Variants in XIRP2 observed in about 807,000 individuals in gnomAD.
XIRP2 encodes xin actin binding repeat containing 2.
In XIRP2, 236 loss-of-function variants were observed where a neutral mutation model predicts 277.0. That is an observed-to-expected ratio of 0.85 (90% CI 0.77 to 0.95). The LOEUF is 0.95. Among genes scored for constraint, XIRP2 ranks in the 40% least tolerant of loss-of-function variants. The pLI is 0.00. For synonymous variants in XIRP2, 1,490 were observed against 1,416.5 expected (o/e 1.05, Z -1.17); for missense variants, 4,640 against 4,157.5 (o/e 1.12, Z -3.19).
chr2:166,970,908 G>T (rs933628941), intron 2 of XIRP2, among the ~76,000 whole-genome samples: 1 of 151,850 alleles, frequency 6.6e-6, no homozygotes, highest in East Asian at 1.9e-4. Context: ...AATGTACAAA[G>T]GTAGAAATAG....
At chr2:166,897,064 C>T (rs1684264602) in intron 1 of XIRP2, among the ~76,000 whole-genome samples, 1 of 152,152 alleles carries the variant, frequency 6.6e-6, no homozygotes, top group Non-Finnish European at 1.5e-5. Flanking sequence ...CTGTGATCTT[C>T]TCACAATGAT....
Position 167,241,829 on chromosome 2 carries a change from A to G in XIRP2, c.1095A>G (p.Leu365=), listed in dbSNP as rs1359736424. 6.2e-7 allele frequency: 1 copy of G among 1,613,628 alleles called. No homozygotes were observed. Among genetic ancestry groups the G allele is most frequent in the Non-Finnish European group, 8.5e-7 (1 of 1,179,770 alleles). Residue 365 remains leucine (L), a synonymous_variant, in exon 8 of 11, where the codon TTA becomes TTG. Coordinates refer to ENST00000409195, the MANE Select transcript of XIRP2 (RefSeq NM_152381.6). ...TTCCAAAGGTTTCGACTAAGTTGTT[A>G]AAAGAGCAGTTTGAAAAGTCTGCCC... ...EEIPKVSTKL[L]KEQFEKSAQE...
rs778157671 is a variant in XIRP2, at chr2:167,246,015, A to G, written c.4623A>G (p.Arg1541=). The G allele has an allele frequency of 1.2e-6, 2 of 1,613,106 alleles. No homozygotes were observed. Among genetic ancestry groups the G allele is most frequent in the East Asian group, 4.5e-5 (2 of 44,850 alleles). The stretch of plus-strand genomic sequence containing the variant: ...CACTTCATGAATTTAATGAAACTAG[A>G]GTAGAAAAGATAGAAATTATTGGCA... The part of the protein sequence containing the change: ...TTPLHEFNET[R]VEKIEIIGKS... Residue 1541 remains arginine (R), a synonymous_variant, in exon 9 of 11, where the codon AGA becomes AGG. Coordinates refer to ENST00000409195, the MANE Select transcript of XIRP2 (RefSeq NM_152381.6).
At chr2:166,979,418 G>A (rs915528179) in intron 2 of XIRP2, among the ~76,000 whole-genome samples, 4 of 98,470 alleles carry the variant, frequency 4.1e-5, no homozygotes, top group African/African-American at 1.6e-4. Flanking sequence ...AAGTATAATT[G>A]TTACTGGCCT....
At chr2:166,974,259 A>C (rs1473934427) in intron 2 of XIRP2, among the ~76,000 whole-genome samples, 2 of 152,152 alleles carry the variant, frequency 1.3e-5, no homozygotes, top group Non-Finnish European at 2.9e-5. Flanking sequence ...GCAGATCCAC[A>C]CTGCAAAAAA....
At chr2:167,114,830 TACTC>T (rs1482412267) in intron 2 of XIRP2, among the ~76,000 whole-genome samples, 11 of 152,220 alleles carry the variant, frequency 7.2e-5, no homozygotes, top group African/African-American at 2.7e-4. Flanking sequence ...CACATTTTCT[TACTC>T]AGTCTATCAT....
chr2:166,891,018 T>C lies in XIRP2; in HGVS notation c.-19+2461T>C, dbSNP rs145553025. 1.5e-3 allele frequency among the ~76,000 whole-genome samples: 228 copies of C among 152,284 alleles called. 8 individuals carry two copies. The East Asian group carries it at 0.039, about 26-fold the overall frequency. On this transcript the variant is annotated intron_variant, in intron 1 of 10. Coordinates refer to ENST00000409195, the MANE Select transcript of XIRP2 (RefSeq NM_152381.6). Reference sequence around the variant, plus strand: ...ATAATGCAGCTCCCAGAGCTGGCTATGAGAGATTTGGTGTCTTGTAGCTGC... The same window carrying C: ...ATAATGCAGCTCCCAGAGCTGGCTACGAGAGATTTGGTGTCTTGTAGCTGC...
rs973551910 is a variant in XIRP2 at position 166,921,263 on chromosome 2, T to C, written c.408+17373T>C. 2.0e-5 allele frequency among the ~76,000 whole-genome samples: 3 copies of C among 152,248 alleles called. No homozygotes were observed. In the South Asian group the frequency reaches 6.2e-4, roughly 32 times the overall value. The stretch of plus-strand genomic sequence containing the variant: ...ATTGCTGAATTGTATGGTAAGAGTA[T>C]GTTTAGTTTGTAAGAAATTGCCAAA... On this transcript the variant is annotated intron_variant, in intron 2 of 10. Coordinates refer to ENST00000409195, the MANE Select transcript of XIRP2 (RefSeq NM_152381.6).
intron 1 of XIRP2, among the ~76,000 whole-genome samples, chr2:166,894,292 T>C (rs953025386): frequency 2.0e-5 from 3 of 152,118 alleles, no homozygotes; most frequent in Non-Finnish European, 4.4e-5. Flanking sequence ...AAATCCTCTC[T>C]CTGAAGACCT....
intron 2 of XIRP2, among the ~76,000 whole-genome samples, chr2:166,909,851 C>A (rs1157282947): frequency 6.6e-6 from 1 of 152,200 alleles, no homozygotes; most frequent in Admixed American, 6.5e-5. Context: ...AAGGCCTTTT[C>A]TGCATCTGTT....
rs1246637205 is a variant in XIRP2 at position 167,010,388 on chromosome 2, G to C, written c.408+106498G>C. ...AAAGATCAGATAGTTGTAGATATGT[G>C]GCGTTATTTCTGAGGGCTCTGTTCT... On this transcript the variant is annotated intron_variant, in intron 2 of 10. Transcript: ENST00000409195. Among the ~76,000 whole-genome samples, 19 of 151,652 alleles carry C rather than the reference G, an allele frequency of 1.3e-4. No homozygotes were observed. In the East Asian group the frequency reaches 3.3e-3, roughly 26 times the overall value.
chr2:167,098,868 G>T (rs1459108238), intron 2 of XIRP2, among the ~76,000 whole-genome samples: 1 of 152,204 alleles, frequency 6.6e-6, no homozygotes, highest in African/African-American at 2.4e-5. Flanking sequence ...GGTATCACCA[G>T]TGGAGGCTGC....
In XIRP2 at chr2:167,250,668, TCGTAG is replaced by T; in HGVS notation, c.9277_9281del (p.Arg3093SerfsTer9). 6.2e-7 allele frequency: 1 copy of T among 1,613,592 alleles called. No homozygotes were observed. The highest frequency in any genetic ancestry group is 1.7e-4 in the Middle Eastern group (1 of 6,054). On this transcript the variant is annotated frameshift_variant, in exon 9 of 11. Coordinates refer to ENST00000409195, the MANE Select transcript of XIRP2 (RefSeq NM_152381.6). LOFTEE classifies it high-confidence loss of function. ...TAGCAGCTCATCATGAAGCAACTGTTCGTAGTCACGTGAAAACCCATCAGGAAATT... is the reference window on the plus strand; with the variant it reads ...TAGCAGCTCATCATGAAGCAACTGTTTCACGTGAAAACCCATCAGGAAATT...
At chr2:167,106,744 T>G (rs576923300) in intron 2 of XIRP2, among the ~76,000 whole-genome samples, 1 of 151,734 alleles carries the variant, frequency 6.6e-6, no homozygotes, top group Non-Finnish European at 1.5e-5. Flanking sequence ...TATAGGAATT[T>G]GTCGTATCTA....
intron 2 of XIRP2, among the ~76,000 whole-genome samples, chr2:167,023,000 T>C (rs1479118903): frequency 2.0e-5 from 3 of 152,154 alleles, no homozygotes; most frequent in Non-Finnish European, 4.4e-5. Flanking sequence ...AAATGGTATT[T>C]CTAGTTCTAG....
chr2:167,139,846 A>G (rs1691659197), intron 3 of XIRP2, among the ~76,000 whole-genome samples: 1 of 152,212 alleles, frequency 6.6e-6, no homozygotes, highest in African/African-American at 2.4e-5. Flanking sequence ...AAAAGTAGCT[A>G]GTGCAACTGA....
At chr2:167,111,467 G>A (rs965380612) in intron 2 of XIRP2, among the ~76,000 whole-genome samples, 1 of 152,090 alleles carries the variant, frequency 6.6e-6, no homozygotes, top group African/African-American at 2.4e-5. Flanking sequence ...TTGGTGTGCT[G>A]AATCACATTT....
chr2:167,244,216 AGAG>A lies in XIRP2; in HGVS notation c.2828_2830del (p.Gly943del). On this transcript the variant is annotated inframe_deletion, in exon 9 of 11. Transcript: ENST00000409195. ...AACAGTGAAACTTGAAGAAGTTGAC[AGAG>A]GAGATGTGAAGAATTACACACATAT... The A allele has an allele frequency of 6.2e-7, 1 of 1,613,632 alleles. No individual in the cohort carries two copies. The highest frequency in any genetic ancestry group is 8.5e-7 in the Non-Finnish European group (1 of 1,179,826).
intron 3 of XIRP2, among the ~76,000 whole-genome samples, chr2:167,150,009 T>C (rs998806497): frequency 6.6e-6 from 1 of 151,958 alleles, no homozygotes; most frequent in African/African-American, 2.4e-5. Context: ...GGTACTATAT[T>C]CACTATTTGA....
Sources: allele counts gnomAD v4.1 joint callset (sites outside exome capture counted in the v4.1 genomes callset), GRCh38; gene constraint gnomAD v4.1.1; transcripts MANE v1.5; gene names NCBI Gene and HGNC (gene_info 2026-07-23, HGNC 2026-07-21).